Variants in FNDC3A observed in about 807,000 individuals in gnomAD.
The protein encoded by FNDC3A is fibronectin type-III domain-containing protein 3A.
Under a neutral mutation model 148.9 loss-of-function variants are expected in FNDC3A, and 32 were observed. That is an observed-to-expected ratio of 0.21 (90% CI 0.16 to 0.29). The LOEUF is 0.29. FNDC3A is among the 10% of genes least tolerant of loss of function. The pLI is 1.00. For synonymous variants in FNDC3A, 472 were observed against 473.6 expected (o/e 1.00, Z 0.04); for missense variants, 1,191 against 1,452.8 (o/e 0.82, Z 2.93).
At chr13:49,148,232 T>G (rs1883099893) in intron 8 of FNDC3A, among the ~76,000 whole-genome samples, 1 of 152,140 alleles carries the variant, frequency 6.6e-6, no homozygotes, top group Admixed American at 6.5e-5. Context: ...TTCTCTATTT[T>G]TCTTTTTTTT....
chr13:49,070,651 G>A (rs983011583), intron 2 of FNDC3A, among the ~76,000 whole-genome samples: 6 of 152,018 alleles, frequency 3.9e-5, no homozygotes, highest in East Asian at 3.8e-4. Flanking sequence ...ATACTAGAAC[G>A]TATTCTTTCT....
At chr13:49,159,522 A>G (rs548858193) in intron 8 of FNDC3A, among the ~76,000 whole-genome samples, 81 of 152,206 alleles carry the variant, frequency 5.3e-4, no homozygotes, top group Non-Finnish European at 9.6e-4. Context: ...TTTCGGGCTG[A>G]GACACTGGGG....
chr13:49,056,496 T>C (rs1475665890), intron 2 of FNDC3A, among the ~76,000 whole-genome samples: 1 of 152,194 alleles, frequency 6.6e-6, no homozygotes, highest in African/African-American at 2.4e-5. Context: ...TGTCATTAAG[T>C]CACTGCAGAA....
At chr13:49,015,980 T>G (rs573280830) in intron 2 of FNDC3A, among the ~76,000 whole-genome samples, 3 of 151,824 alleles carry the variant, frequency 2.0e-5, no homozygotes, top group Non-Finnish European at 4.4e-5. Context: ...ATAAGCTTTT[T>G]GATGTGCTGC....
At chr13:49,089,432 T>G (rs1879043150) in intron 3 of FNDC3A, among the ~76,000 whole-genome samples, 2 of 152,174 alleles carry the variant, frequency 1.3e-5, no homozygotes, top group South Asian at 4.1e-4. Flanking sequence ...ACAGATGACT[T>G]TTAAGAAAGA....
chr13:49,207,214 C>T lies in FNDC3A; in HGVS notation c.3416C>T (p.Thr1139Ile), dbSNP rs1304344566. The change falls in exon 26 of 26, where the codon ACC becomes ATC. Residue 1139 changes from threonine (T) to isoleucine (I), a missense_variant. This residue lies in a region of FNDC3A where 751 missense variants were observed against 944.0 expected (regional missense o/e 0.80). Transcript: ENST00000492622. ...CAGGACCTCGTAGGTCCCTACAGCA[C>T]CACAGTGCTCTTCATCTCTCAGAGG... ...GHQDLVGPYS[T>I]TVLFISQRTE... The T allele has an allele frequency of 6.2e-7, 1 of 1,614,202 alleles. No individual in the cohort carries two copies. Among genetic ancestry groups the T allele is most frequent in the South Asian group, 1.1e-5 (1 of 91,088 alleles).
At chr13:48,989,855 G>A (rs958639137) in intron 1 of FNDC3A, among the ~76,000 whole-genome samples, 3 of 151,814 alleles carry the variant, frequency 2.0e-5, no homozygotes, top group South Asian at 2.1e-4. Flanking sequence ...AGGTTCAAGC[G>A]ATTCTCCTGC....
intron 14 of FNDC3A, among the ~76,000 whole-genome samples, chr13:49,182,416 AT>A (rs549280084): frequency 3.3e-5 from 5 of 151,806 alleles, no homozygotes; most frequent in Admixed American, 1.3e-4. Context: ...TGGTGTCTAA[AT>A]TTTTTTTTAA....
At chr13:49,135,623 A>G (rs1455898930) in intron 5 of FNDC3A, among the ~76,000 whole-genome samples, 1 of 152,220 alleles carries the variant, frequency 6.6e-6, no homozygotes, top group Non-Finnish European at 1.5e-5. Context: ...CTGCTAAATT[A>G]AAACTTTTTA....
At chr13:49,131,440 C>A in intron 5 of FNDC3A, 66 bp downstream of exon 5, 1 of 1,126,506 alleles carries the variant, frequency 8.9e-7, no homozygotes, top group Non-Finnish European at 1.4e-6. Context: ...ATAATAGATG[C>A]CATTATCATA....
chr13:49,199,241 G>A (rs749286399), intron 23 of FNDC3A, among the ~76,000 whole-genome samples: 13 of 151,696 alleles, frequency 8.6e-5, no homozygotes, highest in Non-Finnish European at 1.8e-4. Flanking sequence ...CACTGGTCTC[G>A]AACTCCTGGG....
chr13:48,992,086 A>C (rs554482684), intron 1 of FNDC3A, among the ~76,000 whole-genome samples: 1 of 152,360 alleles, frequency 6.6e-6, no homozygotes, highest in East Asian at 1.9e-4. Flanking sequence ...CAAAAATTGT[A>C]AGTTGAACCA....
At chr13:49,144,433 G>A (rs1327571800) in intron 7 of FNDC3A, among the ~76,000 whole-genome samples, 1 of 152,048 alleles carries the variant, frequency 6.6e-6, no homozygotes, top group Non-Finnish European at 1.5e-5. Context: ...CAATTTTATG[G>A]AGATTACTTA....
At chr13:49,191,646 G>A (rs990616617) in intron 19 of FNDC3A, among the ~76,000 whole-genome samples, 8 of 152,192 alleles carry the variant, frequency 5.3e-5, no homozygotes, top group Middle Eastern at 3.4e-3. Context: ...TACCTTTTAG[G>A]CAGTGTTAAT....
Position 49,131,127 on chromosome 13 carries a change from C to G in FNDC3A, c.253-10C>G, listed in dbSNP as rs1203442344. ...ATGGAAGAAATTTTAATCTGATGTT[C>G]ATTTTGTAGGTTATTGAAGACAATG... is the stretch of plus-strand genomic sequence containing the variant. On this transcript the variant is annotated splice_polypyrimidine_tract_variant and intron_variant, in intron 4 of 25. Coordinates refer to ENST00000492622, the MANE Select transcript of FNDC3A (RefSeq NM_001079673.2). 3 of 1,589,558 alleles carry G rather than the reference C, an allele frequency of 1.9e-6. No individual in the cohort carries two copies. Among genetic ancestry groups the G allele is most frequent in the South Asian group, 2.2e-5 (2 of 90,496 alleles).
chr13:49,122,638 A>T (rs925257596), intron 4 of FNDC3A, among the ~76,000 whole-genome samples: 1 of 152,210 alleles, frequency 6.6e-6, no homozygotes, highest in Non-Finnish European at 1.5e-5. Flanking sequence ...CAGATAAACA[A>T]CTTCAGCAAA....
intron 3 of FNDC3A, 130 bp downstream of exon 3, chr13:49,075,494 A>G: frequency 1.7e-6 from 1 of 576,472 alleles, no homozygotes; most frequent in South Asian, 2.5e-5. Flanking sequence ...ATAAACTCTG[A>G]TATCTTAGCA....
chr13:49,022,716 T>C (rs538726027), intron 2 of FNDC3A, among the ~76,000 whole-genome samples: 1 of 152,228 alleles, frequency 6.6e-6, no homozygotes, highest in African/African-American at 2.4e-5. Context: ...GGCAAATAAA[T>C]AGTGGTTTGC....
chr13:49,142,558 A>G (rs1046265412), intron 7 of FNDC3A, among the ~76,000 whole-genome samples: 5 of 152,198 alleles, frequency 3.3e-5, no homozygotes, highest in Non-Finnish European at 5.9e-5. Flanking sequence ...TGTGGTATCT[A>G]TGTGGGAGTC....
Sources: gnomAD v4.1 joint callset for allele counts (sites outside exome capture counted in the v4.1 genomes callset) on GRCh38, gnomAD v4.1.1 for gene constraint, gnomAD v4.1.1 regional missense constraint, MANE v1.5 for transcripts, NCBI Gene and HGNC (gene_info 2026-07-23, HGNC 2026-07-21) for gene names.